Variants in KCNIP4 observed in about 807,000 individuals in gnomAD.
KCNIP4 encodes the protein Kv channel-interacting protein 4.
KCNIP4 carries 12 observed loss-of-function variants against 34.0 expected under a neutral mutation model. The ratio of observed to expected loss-of-function variants is 0.35; its 90% CI spans 0.23 to 0.57. KCNIP4 has a LOEUF of 0.57. Ranked by LOEUF, KCNIP4 falls within the 20% of genes least tolerant of loss-of-function variation. The pLI is 0.83. For synonymous variants in KCNIP4, 124 were observed against 102.2 expected, an observed-to-expected ratio of 1.21 and a Z score of -1.29; for missense variants, 238 against 311.7, an observed-to-expected ratio of 0.76 and a Z score of 1.78.
chr4:21,340,611 T>C (rs1056036660), intron 1 of KCNIP4, among the ~76,000 whole-genome samples: 9 of 152,044 alleles, frequency 5.9e-5, no homozygotes, highest in African/African-American at 1.7e-4. Context: ...GGCATAAACA[T>C]TTCAGAATTC....
At chr4:20,853,497 T>C (rs1721256009) in intron 2 of KCNIP4, among the ~76,000 whole-genome samples, 1 of 152,188 alleles carries the variant, frequency 6.6e-6, no homozygotes. Flanking sequence ...CAACTCAAGA[T>C]GGATTAAGGA....
intron 1 of KCNIP4, among the ~76,000 whole-genome samples, chr4:21,810,451 G>A (rs955584182): frequency 5.3e-5 from 8 of 152,054 alleles, no homozygotes; most frequent in Admixed American, 2.0e-4. Context: ...AGCACATTGG[G>A]AGGCTGAGAC....
intron 1 of KCNIP4, among the ~76,000 whole-genome samples, chr4:21,402,245 A>T (rs1284868977): frequency 6.6e-6 from 1 of 152,206 alleles, no homozygotes; most frequent in Non-Finnish European, 1.5e-5. Flanking sequence ...TATATTTTTT[A>T]AGGAAGTGGA....
chr4:21,661,750 C>T (rs1432356157), intron 1 of KCNIP4, among the ~76,000 whole-genome samples: 3 of 152,052 alleles, frequency 2.0e-5, no homozygotes, highest in Non-Finnish European at 4.4e-5. Context: ...TCACTGCCCT[C>T]GATAGGTTCT....
intron 1 of KCNIP4, among the ~76,000 whole-genome samples, chr4:21,920,970 T>TC (rs1404338007): frequency 6.6e-6 from 1 of 152,188 alleles, no homozygotes; most frequent in Non-Finnish European, 1.5e-5. Flanking sequence ...TTAGAATGCA[T>TC]CCTGGTAAGT....
chr4:21,030,041 G>A (rs1297489472), intron 1 of KCNIP4, among the ~76,000 whole-genome samples: 1 of 152,124 alleles, frequency 6.6e-6, no homozygotes, highest in African/African-American at 2.4e-5. Context: ...TAAGGCAGGG[G>A]TCCCCAACCC....
intron 1 of KCNIP4, among the ~76,000 whole-genome samples, chr4:21,741,103 C>A (rs2109128311): frequency 6.6e-6 from 1 of 152,190 alleles, no homozygotes. Flanking sequence ...CTGGTTCCTC[C>A]TTTCTTGTTC....
chr4:20,770,083 C>G (rs915517616), intron 3 of KCNIP4, among the ~76,000 whole-genome samples: 2 of 152,110 alleles, frequency 1.3e-5, no homozygotes, highest in Admixed American at 6.6e-5. Context: ...ATTTAGATAT[C>G]TATTAATACC....
chr4:21,545,522 C>T (rs1175153113), intron 1 of KCNIP4, among the ~76,000 whole-genome samples: 1 of 152,132 alleles, frequency 6.6e-6, no homozygotes, highest in African/African-American at 2.4e-5. Context: ...TGTCCTAATG[C>T]TCTCCCTCCC....
chr4:21,936,683 G>A (rs1329317531), intron 1 of KCNIP4, among the ~76,000 whole-genome samples: 1 of 152,048 alleles, frequency 6.6e-6, no homozygotes, highest in Admixed American at 6.6e-5. Context: ...GTGATAGCAG[G>A]CACAGTATGT....
At chr4:21,717,245 C>G (rs192985307) in intron 1 of KCNIP4, among the ~76,000 whole-genome samples, 1 of 152,216 alleles carries the variant, frequency 6.6e-6, no homozygotes, top group Non-Finnish European at 1.5e-5. Flanking sequence ...TCTCTAATGT[C>G]CCCTAGGGGT....
intron 3 of KCNIP4, among the ~76,000 whole-genome samples, chr4:20,818,721 TTAAACCTAATG>T (rs2149442117): frequency 6.6e-6 from 1 of 152,192 alleles, no homozygotes; most frequent in South Asian, 2.1e-4. Context: ...CATTGGGAAA[TTAAACCTAATG>T]TACTATAGAT....
At chr4:21,631,262 A>G (rs1270749109) in intron 1 of KCNIP4, among the ~76,000 whole-genome samples, 1 of 152,214 alleles carries the variant, frequency 6.6e-6, no homozygotes, top group African/African-American at 2.4e-5. Context: ...ATGTGGTTTG[A>G]ATGAATGTAC....
chr4:21,136,195 A>G (rs1019208603), intron 1 of KCNIP4, among the ~76,000 whole-genome samples: 1 of 152,102 alleles, frequency 6.6e-6, no homozygotes, highest in Admixed American at 6.5e-5. Flanking sequence ...ACATGTCTCT[A>G]TGTTTTAATT....
At chr4:21,795,753 C>T (rs1720580590) in intron 1 of KCNIP4, among the ~76,000 whole-genome samples, 2 of 152,080 alleles carry the variant, frequency 1.3e-5, no homozygotes, top group South Asian at 2.1e-4. Flanking sequence ...CTGAAACACA[C>T]TTTCTTCTTT....
chr4:20,985,700 C>T (rs1446909091), intron 1 of KCNIP4, among the ~76,000 whole-genome samples: 2 of 152,176 alleles, frequency 1.3e-5, no homozygotes, highest in Middle Eastern at 3.4e-3. Context: ...TAAAATGTGA[C>T]CAATAAATAC....
intron 1 of KCNIP4, among the ~76,000 whole-genome samples, chr4:21,092,939 A>G (rs4434251): frequency 0.17 from 25,569 of 152,214 alleles, 2,219 homozygotes; most frequent in East Asian, 0.24. Context: ...TATTTGATAC[A>G]AGGTAAAATC....
intron 1 of KCNIP4, among the ~76,000 whole-genome samples, chr4:21,006,589 C>A (rs1738574054): frequency 6.6e-6 from 1 of 152,060 alleles, no homozygotes; most frequent in Non-Finnish European, 1.5e-5. Context: ...ACATCAAGAG[C>A]TATAATGGAG....
intron 1 of KCNIP4, among the ~76,000 whole-genome samples, chr4:21,834,925 G>T (rs1357267308): frequency 6.6e-6 from 1 of 152,072 alleles, no homozygotes; most frequent in Non-Finnish European, 1.5e-5. Flanking sequence ...AACCAGCCTT[G>T]CATCCCAGGG....
Sources: allele counts gnomAD v4.1 joint callset (sites outside exome capture counted in the v4.1 genomes callset), GRCh38; gene constraint gnomAD v4.1.1; transcripts MANE v1.5; gene names NCBI Gene and HGNC (gene_info 2026-07-23, HGNC 2026-07-21).